RHBDL2: variants seen among roughly 807,000 people sequenced by gnomAD.
RHBDL2 encodes the protein rhomboid-related protein 2.
In RHBDL2, 26 loss-of-function variants were observed where a neutral mutation model predicts 31.7. The ratio of observed to expected loss-of-function variants is 0.82; its 90% CI spans 0.60 to 1.14. The LOEUF (loss-of-function observed/expected upper bound fraction) is 1.14. Ranked by LOEUF, RHBDL2 falls within the 50% of genes most tolerant of loss-of-function variation. RHBDL2 has a pLI of 0.00. For missense variants in RHBDL2, 336 were observed against 364.4 expected (o/e 0.92, Z 0.63); for synonymous variants, 123 against 127.2 (o/e 0.97, Z 0.22).
Position 38,886,036 on chromosome 1 carries a change from C to T in RHBDL2, c.*468G>A, listed in dbSNP as rs1182409944. ...CGCAATCTCGGCTCACTGCAACCTT[C>T]GCCTCCCAGGTTCAAGCAATTCTCC... On this transcript the variant is annotated 3_prime_UTR_variant, in exon 8 of 8. Coordinates refer to ENST00000372990, the MANE Select transcript of RHBDL2 (RefSeq NM_017821.5). 1 of 152,238 alleles carries T rather than the reference C, an allele frequency of 6.6e-6. No homozygotes were observed. Among genetic ancestry groups the T allele is most frequent in the African/African-American group, 2.4e-5 (1 of 41,442 alleles). The allele number at this position is 152,238 out of a possible 1,614,324, so 9.4% of individuals were successfully genotyped here.
chr1:38,893,368 G>T, intron 5 of RHBDL2, 144 bp from the exon 6 acceptor site: 1 of 507,722 alleles, frequency 2.0e-6, no homozygotes, highest in Non-Finnish European at 3.6e-6. Flanking sequence ...TCACAGCCGA[G>T]TTTTTAAATG....
intron 5 of RHBDL2, among the ~76,000 whole-genome samples, chr1:38,895,140 G>T (rs976866721): frequency 6.6e-6 from 1 of 152,100 alleles, no homozygotes; most frequent in Non-Finnish European, 1.5e-5. Context: ...AAGCTGGGAG[G>T]ATTTCTAAGC....
At chr1:38,923,271 A>C (rs775810917) in intron 1 of RHBDL2, among the ~76,000 whole-genome samples, 1 of 152,214 alleles carries the variant, frequency 6.6e-6, no homozygotes, top group Non-Finnish European at 1.5e-5. Context: ...CCACCCTTCA[A>C]AGGTATTTGA....
chr1:38,917,001 G>A (rs150004124), intron 2 of RHBDL2, among the ~76,000 whole-genome samples: 68 of 151,080 alleles, frequency 4.5e-4, no homozygotes, highest in African/African-American at 1.6e-3. Flanking sequence ...CTGGGTGAGA[G>A]GCATACAGGA....
chr1:38,917,140 C>T (rs1457941119), intron 2 of RHBDL2, among the ~76,000 whole-genome samples: 2 of 150,566 alleles, frequency 1.3e-5, no homozygotes, highest in Non-Finnish European at 2.9e-5. Context: ...GCCTCAGCCT[C>T]CCAAGTAGCT....
intron 1 of RHBDL2, among the ~76,000 whole-genome samples, chr1:38,924,981 A>G (rs184760314): frequency 7.9e-5 from 12 of 151,484 alleles, no homozygotes; most frequent in Non-Finnish European, 1.5e-4. Flanking sequence ...GGGTTTCACC[A>G]TGTTGGTCAG....
At chr1:38,888,809 T>C (rs1642818017) in intron 6 of RHBDL2, among the ~76,000 whole-genome samples, 1 of 152,122 alleles carries the variant, frequency 6.6e-6, no homozygotes, top group Non-Finnish European at 1.5e-5. Flanking sequence ...TTTGTTTTTG[T>C]TTTTGTTTTC....
Position 38,886,584 on chromosome 1 carries a change from AC to A in RHBDL2, c.831del (p.Arg277SerfsTer4). 2 of 1,608,238 alleles carry A rather than the reference AC, an allele frequency of 1.2e-6. No homozygotes were observed. Among genetic ancestry groups the A allele is most frequent in the South Asian group, 2.2e-5 (2 of 89,984 alleles). On this transcript the variant is annotated frameshift_variant, in exon 8 of 8. Transcript: ENST00000372990. LOFTEE classifies it high-confidence loss of function. ...AAATATGCAGCAATTGCTATCCAAA[AC>A]CTTGGATCTTTCAGCAGTGCTTTAT... ...CFDKALLKDP[R>X]FWIAIAAYLA...
intron 4 of RHBDL2, among the ~76,000 whole-genome samples, chr1:38,897,121 G>A (rs1384445133): frequency 6.7e-6 from 1 of 148,308 alleles, no homozygotes; most frequent in Non-Finnish European, 1.5e-5. Flanking sequence ...TTTTTTTTGA[G>A]ATGGAGTCCC....
chr1:38,891,260 CAA>C (rs11445131), intron 6 of RHBDL2, among the ~76,000 whole-genome samples: 7 of 79,266 alleles, frequency 8.8e-5, no homozygotes, highest in African/African-American at 3.3e-4. Flanking sequence ...GACTCCGTCT[CAA>C]AAAAAAAAAA....
chr1:38,928,666 G>A (rs573350391), intron 1 of RHBDL2, among the ~76,000 whole-genome samples: 5 of 147,470 alleles, frequency 3.4e-5, no homozygotes, highest in East Asian at 4.1e-4. Context: ...GGCTGATCTC[G>A]AACTCCCTAC....
chr1:38,931,961 C>T (rs749292462), intron 1 of RHBDL2, among the ~76,000 whole-genome samples: 1 of 152,182 alleles, frequency 6.6e-6, no homozygotes, highest in East Asian at 1.9e-4. Context: ...TAAGTCTGGG[C>T]CAGCCCTGTG....
intron 6 of RHBDL2, among the ~76,000 whole-genome samples, chr1:38,888,447 A>C (rs1243654510): frequency 6.6e-6 from 1 of 152,148 alleles, no homozygotes; most frequent in African/African-American, 2.4e-5. Context: ...CAAAGAGAAG[A>C]AGAAATAGGA....
intron 5 of RHBDL2, among the ~76,000 whole-genome samples, chr1:38,894,586 G>A (rs1357367317): frequency 6.6e-6 from 1 of 151,794 alleles, no homozygotes; most frequent in Admixed American, 6.6e-5. Context: ...CTCCCAAAGT[G>A]CTGGGATTAC....
intron 7 of RHBDL2, 68 bp from the exon 8 acceptor site, chr1:38,886,751 T>C: frequency 5.5e-6 from 7 of 1,267,974 alleles, no homozygotes; most frequent in Non-Finnish European, 7.5e-6. Flanking sequence ...CAGTTGCATC[T>C]CTCTTATTCA....
At chr1:38,896,679 CCTT>C (rs1238493316) in intron 4 of RHBDL2, among the ~76,000 whole-genome samples, 5 of 152,148 alleles carry the variant, frequency 3.3e-5, no homozygotes, top group African/African-American at 1.2e-4. Flanking sequence ...CCCTCAGAAT[CCTT>C]CTCAACATAC....
chr1:38,908,134 T>C (rs1408971420), intron 4 of RHBDL2, among the ~76,000 whole-genome samples: 2 of 130,752 alleles, frequency 1.5e-5, no homozygotes, highest in African/African-American at 2.9e-5. Context: ...TATTCAACAA[T>C]GCATCTCAGA....
chr1:38,904,224 G>T (rs1351111136), intron 4 of RHBDL2, among the ~76,000 whole-genome samples: 1 of 151,570 alleles, frequency 6.6e-6, no homozygotes, highest in Admixed American at 6.6e-5. Context: ...TAATCCCAGC[G>T]CTTTGGGAGG....
chr1:38,941,016 G>A (rs962193200), intron 1 of RHBDL2, among the ~76,000 whole-genome samples: 2 of 152,188 alleles, frequency 1.3e-5, no homozygotes, highest in Admixed American at 6.5e-5. Flanking sequence ...CTGCCCACCA[G>A]CTTGTAGATG....
Sources: gnomAD v4.1 joint callset for allele counts (sites outside exome capture counted in the v4.1 genomes callset) on GRCh38, gnomAD v4.1.1 for gene constraint, MANE v1.5 for transcripts, NCBI Gene and HGNC (gene_info 2026-07-23, HGNC 2026-07-21) for gene names.